ARMH4: variants seen among roughly 807,000 people sequenced by gnomAD.
ARMH4 encodes the protein armadillo like helical domain containing 4.
Under a neutral mutation model 61.9 loss-of-function variants are expected in ARMH4, and 49 were observed. The ratio of observed to expected loss-of-function variants is 0.79; its 90% confidence interval spans 0.63 to 1.00. ARMH4 has a LOEUF of 1.00. ARMH4 is among the 50% of genes least tolerant of loss of function. ARMH4 has a pLI of 0.00. For synonymous variants in ARMH4, 368 were observed against 341.5 expected, an observed-to-expected ratio of 1.08 and a Z score of -0.85; for missense variants, 934 against 930.0, an observed-to-expected ratio of 1.00 and a Z score of -0.06.
At chr14:58,103,642 G>A (rs1353743628) in intron 4 of ARMH4, among the ~76,000 whole-genome samples, 1 of 151,788 alleles carries the variant, frequency 6.6e-6, no homozygotes, top group East Asian at 1.9e-4. Flanking sequence ...AGGCTGGAGT[G>A]CAGTAATGTG....
chr14:58,017,482 T>C (rs994075960), intron 5 of ARMH4, among the ~76,000 whole-genome samples: 2 of 152,218 alleles, frequency 1.3e-5, no homozygotes, highest in African/African-American at 2.4e-5. Context: ...AGCATTTCTA[T>C]ATCCTACCAA....
At chr14:58,098,182 C>T (rs1225975364) in intron 4 of ARMH4, among the ~76,000 whole-genome samples, 2 of 152,208 alleles carry the variant, frequency 1.3e-5, no homozygotes, top group African/African-American at 4.8e-5. Context: ...TGCTTCTACA[C>T]AACTTTCTCC....
chr14:58,012,106 A>AG lies in ARMH4; in HGVS notation c.2121+12_2121+13insC. 6.8e-7 allele frequency: 1 copy of AG among 1,477,956 alleles called. No individual in the cohort carries two copies. Among genetic ancestry groups the AG allele is most frequent in the Non-Finnish European group, 9.3e-7 (1 of 1,079,358 alleles). 91.6% of individuals were successfully genotyped at this position (1,477,956 alleles called of 1,614,324 possible). A position where few individuals can be genotyped will look rare whatever the true frequency, so the allele number is the denominator to read the frequency against. On this transcript the variant is annotated intron_variant, in intron 6 of 7. Transcript: ENST00000267485. ...CCTAAAAATAAACCAATGGAAGAAAATACTTTTCTTACCTTGTCTTTTAAT... is the reference window on the plus strand; with the variant it reads ...CCTAAAAATAAACCAATGGAAGAAAAGTACTTTTCTTACCTTGTCTTTTAAT...
At chr14:58,074,990 A>G (rs1005751302) in intron 5 of ARMH4, among the ~76,000 whole-genome samples, 4 of 152,198 alleles carry the variant, frequency 2.6e-5, no homozygotes, top group Non-Finnish European at 5.9e-5. Flanking sequence ...GCCAACAAAC[A>G]TATGAAAAAA....
At chr14:58,031,610 C>T (rs1883234102) in intron 5 of ARMH4, among the ~76,000 whole-genome samples, 1 of 152,162 alleles carries the variant, frequency 6.6e-6, no homozygotes, top group East Asian at 1.9e-4. Flanking sequence ...CAGAGAGGAA[C>T]TTGCAACAGA....
intron 5 of ARMH4, among the ~76,000 whole-genome samples, chr14:58,028,675 C>G (rs1883106020): frequency 2.6e-5 from 4 of 152,182 alleles, no homozygotes; most frequent in Admixed American, 2.6e-4. Flanking sequence ...AGTGTCCCTG[C>G]CAGGACACCA....
chr14:58,121,015 G>C (rs1886705320), intron 4 of ARMH4, among the ~76,000 whole-genome samples: 1 of 152,130 alleles, frequency 6.6e-6, no homozygotes, highest in Non-Finnish European at 1.5e-5. Context: ...TTCATGATTT[G>C]TAGGGCATGG....
At chr14:58,135,738 A>G (rs1887280341) in intron 2 of ARMH4, among the ~76,000 whole-genome samples, 1 of 152,132 alleles carries the variant, frequency 6.6e-6, no homozygotes, top group South Asian at 2.1e-4. Flanking sequence ...ATCTGTTAAT[A>G]ATATCTAAAA....
intron 4 of ARMH4, among the ~76,000 whole-genome samples, chr14:58,107,149 G>T (rs1037388853): frequency 1.3e-4 from 20 of 152,096 alleles, no homozygotes; most frequent in African/African-American, 4.8e-4. Flanking sequence ...GACTTTTTTA[G>T]ATCTCCAGAA....
intron 4 of ARMH4, among the ~76,000 whole-genome samples, chr14:58,119,283 A>C (rs922939041): frequency 2.0e-5 from 3 of 152,230 alleles, no homozygotes; most frequent in African/African-American, 7.2e-5. Context: ...CGTGGTTATG[A>C]ATACAGCTTG....
chr14:58,080,137 T>A (rs896007400), intron 5 of ARMH4, among the ~76,000 whole-genome samples: 1 of 148,294 alleles, frequency 6.7e-6, no homozygotes, highest in South Asian at 2.1e-4. Context: ...ATATATAAAA[T>A]TTTTTTTTTG....
rs779913381 is a variant in ARMH4 at position 58,005,003 on chromosome 14, G to T, written c.2256+45C>A. The T allele has an allele frequency of 2.5e-6, 4 of 1,611,812 alleles. No homozygotes were observed. In the East Asian group the frequency reaches 6.7e-5, roughly 27 times the overall value. On this transcript the variant is annotated intron_variant, in intron 7 of 7. Transcript: ENST00000267485. ...TTATTAAGTAAATTAGATAAGCAAA[G>T]AATGTTCTGAAACTGATTAGGTTTT...
At chr14:58,120,953 T>C (rs933328737) in intron 4 of ARMH4, among the ~76,000 whole-genome samples, 1 of 152,134 alleles carries the variant, frequency 6.6e-6, no homozygotes, top group Non-Finnish European at 1.5e-5. Context: ...CAGAGTCAAG[T>C]TGGAAAGTAA....
chr14:58,137,456 G>GCA (rs1887342965), intron 2 of ARMH4, among the ~76,000 whole-genome samples: 1 of 151,560 alleles, frequency 6.6e-6, no homozygotes, highest in African/African-American at 2.4e-5. Flanking sequence ...GGAGTGCAGT[G>GCA]GTACAATCTT....
intron 5 of ARMH4, among the ~76,000 whole-genome samples, chr14:58,028,742 C>G (rs1883108881): frequency 6.6e-6 from 1 of 152,130 alleles, no homozygotes; most frequent in East Asian, 1.9e-4. Flanking sequence ...CAGACAACAA[C>G]AGATTTCCTT....
chr14:58,142,966 C>T (rs1035426183), intron 1 of ARMH4, among the ~76,000 whole-genome samples: 2 of 152,174 alleles, frequency 1.3e-5, no homozygotes, highest in Admixed American at 1.3e-4. Flanking sequence ...CCAACTACCA[C>T]CACCACATGA....
At chr14:58,012,205 T>C in intron 5 of ARMH4, 55 bp from the exon 6 acceptor site, 2 of 1,049,944 alleles carry the variant, frequency 1.9e-6, no homozygotes, top group Non-Finnish European at 2.8e-6. Flanking sequence ...TTATAATTCA[T>C]GGCATTAAGT....
chr14:58,076,087 G>A (rs951522454), intron 5 of ARMH4, among the ~76,000 whole-genome samples: 5 of 148,876 alleles, frequency 3.4e-5, no homozygotes, highest in African/African-American at 9.9e-5. Context: ...AGAAAGAGGA[G>A]GAAGGGGAGG....
chr14:58,104,549 T>C (rs1886107060), intron 4 of ARMH4, among the ~76,000 whole-genome samples: 1 of 152,230 alleles, frequency 6.6e-6, no homozygotes, highest in South Asian at 2.1e-4. Flanking sequence ...AAAATGTTCT[T>C]TTTATGGGCC....
Sources: allele counts gnomAD v4.1 joint callset (sites outside exome capture counted in the v4.1 genomes callset), GRCh38; gene constraint gnomAD v4.1.1; transcripts MANE v1.5; gene names NCBI Gene and HGNC (gene_info 2026-07-23, HGNC 2026-07-21).